RBM46: variants seen among roughly 807,000 people sequenced by gnomAD.
RBM46 encodes probable RNA-binding protein 46.
RBM46 carries 12 observed loss-of-function variants against 43.3 expected under a neutral mutation model. That is an observed-to-expected ratio of 0.28 (90% CI 0.18 to 0.45). RBM46 has a LOEUF of 0.45. Among genes scored for constraint, RBM46 ranks in the 20% least tolerant of loss-of-function variants. The pLI, the probability that RBM46 is intolerant of heterozygous loss-of-function variation, is 1.00. For missense variants in RBM46, 412 were observed against 639.1 expected (o/e 0.64, Z 3.83); for synonymous variants, 205 against 207.6 (o/e 0.99, Z 0.11).
At chr4:154,790,912 G>A (rs536226363) in intron 1 of RBM46, among the ~76,000 whole-genome samples, 1 of 152,320 alleles carries the variant, frequency 6.6e-6, no homozygotes, top group East Asian at 1.9e-4. Flanking sequence ...GGGCAGATTT[G>A]AGGTTTTTGT....
chr4:154,790,149 T>G (rs1289866332), intron 1 of RBM46: 6 of 152,110 alleles, frequency 3.9e-5, no homozygotes, highest in Non-Finnish European at 8.8e-5. Context: ...GTTTTGAAGG[T>G]TTTTTTGTGT....
chr4:154,799,750 C>A (rs2111138700), intron 4 of RBM46, among the ~76,000 whole-genome samples, 186 bp downstream of exon 4: 1 of 134,558 alleles, frequency 7.4e-6, no homozygotes, highest in East Asian at 2.3e-4. Flanking sequence ...CTACATTTAG[C>A]TTTTCTTTTT....
intron 1 of RBM46, among the ~76,000 whole-genome samples, chr4:154,784,299 T>C (rs1374998552): frequency 6.6e-6 from 1 of 152,234 alleles, no homozygotes; most frequent in Non-Finnish European, 1.5e-5. Context: ...CACAGTTCCT[T>C]TAAATAATTT....
At chr4:154,792,483 G>A (rs1734147819) in intron 1 of RBM46, among the ~76,000 whole-genome samples, 2 of 152,136 alleles carry the variant, frequency 1.3e-5, no homozygotes, top group African/African-American at 4.8e-5. Flanking sequence ...CTCATTCATT[G>A]AATGAATAGT....
chr4:154,801,961 T>G (rs1734659884), intron 4 of RBM46, among the ~76,000 whole-genome samples: 1 of 152,240 alleles, frequency 6.6e-6, no homozygotes, highest in Non-Finnish European at 1.5e-5. Context: ...TATTCCAGAT[T>G]TTATCAACCT....
At chr4:154,793,008 A>G (rs193276007) in intron 1 of RBM46, among the ~76,000 whole-genome samples, 1 of 152,234 alleles carries the variant, frequency 6.6e-6, no homozygotes, top group Non-Finnish European at 1.5e-5. Context: ...CTACTCACCA[A>G]TGATAACTAC....
At chr4:154,785,228 G>C (rs1326036573) in intron 1 of RBM46, among the ~76,000 whole-genome samples, 5 of 151,958 alleles carry the variant, frequency 3.3e-5, no homozygotes, top group Non-Finnish European at 5.9e-5. Flanking sequence ...TCATTATCTA[G>C]TAAAAGGAGC....
intron 1 of RBM46, among the ~76,000 whole-genome samples, chr4:154,789,819 T>C (rs903507887): frequency 2.6e-5 from 4 of 152,174 alleles, no homozygotes; most frequent in South Asian, 2.1e-4. Context: ...TTTTTTTGGT[T>C]GGTAGGCTAT....
chr4:154,805,149 A>C (rs960075552), intron 4 of RBM46, among the ~76,000 whole-genome samples: 3 of 152,162 alleles, frequency 2.0e-5, no homozygotes, highest in Admixed American at 6.5e-5. Context: ...TCATAATTTC[A>C]GTGTGACTTA....
intron 4 of RBM46, among the ~76,000 whole-genome samples, chr4:154,803,575 C>T (rs1328174336): frequency 4.6e-5 from 7 of 151,494 alleles, no homozygotes; most frequent in African/African-American, 1.5e-4. Context: ...TGGTGGCAGG[C>T]GCCTGTAGTC....
chr4:154,796,029 A>G (rs1388577128), intron 1 of RBM46, among the ~76,000 whole-genome samples: 1 of 152,074 alleles, frequency 6.6e-6, no homozygotes, highest in Non-Finnish European at 1.5e-5. Context: ...TTAGCCAGGC[A>G]TGGTGGTGTG....
At position 154,796,727 on chromosome 4, in the gene RBM46, T is replaced by G; in HGVS notation, c.-11-15T>G. ...CTGTTGTAAACTTAACCAGTGTTATTAAACTTTATTTTAGGAACTGCAACC... is the reference window on the plus strand; with the variant it reads ...CTGTTGTAAACTTAACCAGTGTTATGAAACTTTATTTTAGGAACTGCAACC... On this transcript the variant is annotated splice_polypyrimidine_tract_variant and intron_variant, in intron 1 of 4. Coordinates refer to ENST00000281722, the MANE Select transcript of RBM46 (RefSeq NM_144979.5). The G allele has an allele frequency of 6.4e-7, 1 of 1,566,354 alleles. No homozygotes were observed. Among genetic ancestry groups the G allele is most frequent in the African/African-American group, 1.4e-5 (1 of 73,186 alleles).
In RBM46 at chr4:154,799,241, C is replaced by G; in HGVS notation, c.1079C>G (p.Pro360Arg). 1 of 1,614,136 alleles carries G rather than the reference C, an allele frequency of 6.2e-7. No individual in the cohort carries two copies. The highest frequency in any genetic ancestry group is 1.3e-5 in the African/African-American group (1 of 75,044). Residue 360 changes from proline to arginine, a missense_variant, in exon 4 of 5, where the codon CCA becomes CGA. Coordinates refer to ENST00000281722, the MANE Select transcript of RBM46 (RefSeq NM_144979.5). ...LPARLNGQHS[P>R]SPPEVERCTY... is the part of the protein sequence containing the mutation. Reference sequence around the variant, plus strand: ...GCTCGTCTCAATGGTCAGCATAGCCCAAGTCCGCCTGAAGTTGAAAGATGC... The same window carrying G: ...GCTCGTCTCAATGGTCAGCATAGCCGAAGTCCGCCTGAAGTTGAAAGATGC...
intron 4 of RBM46, among the ~76,000 whole-genome samples, chr4:154,813,162 C>T (rs566272734): frequency 5.9e-5 from 9 of 152,070 alleles, no homozygotes; most frequent in African/African-American, 1.7e-4. Context: ...AGATACATTT[C>T]GGCTGTGCTT....
chr4:154,791,533 A>G lies in RBM46; in HGVS notation c.-11-5209A>G, dbSNP rs963131387. ...TGTGGTGGTGCATGACTGTAGTCCC[A>G]GGTACTTGGAAGTGAATCATCTTTC... On this transcript the variant is annotated intron_variant, in intron 1 of 4. Transcript: ENST00000281722. Among the ~76,000 whole-genome samples, 5 of 152,200 alleles carry G rather than the reference A, an allele frequency of 3.3e-5. No individual in the cohort carries two copies. The East Asian group carries it at 7.7e-4, about 23-fold the overall frequency.
intron 4 of RBM46, among the ~76,000 whole-genome samples, chr4:154,824,538 T>C (rs1735865724): frequency 6.6e-6 from 1 of 152,094 alleles, no homozygotes; most frequent in Non-Finnish European, 1.5e-5. Flanking sequence ...TACTGAAAGA[T>C]ACAATGTGAA....
chr4:154,822,207 CATTT>C (rs982658729), intron 4 of RBM46, among the ~76,000 whole-genome samples: 1 of 151,654 alleles, frequency 6.6e-6, no homozygotes, highest in African/African-American at 2.4e-5. Flanking sequence ...AGAAAACAAA[CATTT>C]CTTTCACCCC....
Position 154,796,769 on chromosome 4 carries a change from T to C in RBM46, c.17T>C (p.Ile6Thr), listed in dbSNP as rs1307511564. 18 of 1,608,352 alleles carry C rather than the reference T, an allele frequency of 1.1e-5. No homozygotes were observed. Among genetic ancestry groups the C allele is most frequent in the Non-Finnish European group, 1.4e-5 (17 of 1,178,050 alleles). Reference protein sequence around the residue: MNEENIDGTNGCSKVR... With the variant: MNEENTDGTNGCSKVR... ...ACTGCAACCATGAATGAAGAAAATA[T>C]AGATGGAACAAATGGATGCAGTAAA... Residue 6 changes from isoleucine (I) to threonine (T), a missense_variant, in exon 2 of 5, where the codon ATA becomes ACA. Ile to Thr is a moderately conservative substitution (Grantham distance 89). This residue lies in a region of RBM46 where 23 missense variants were observed against 22.9 expected (regional missense o/e 1.00). Coordinates refer to ENST00000281722, the MANE Select transcript of RBM46 (RefSeq NM_144979.5).
In RBM46 at chr4:154,796,600, G is replaced by A. The variant is rs528338730; in HGVS notation, c.-11-142G>A. On this transcript the variant is annotated intron_variant, in intron 1 of 4. Coordinates refer to ENST00000281722, the MANE Select transcript of RBM46 (RefSeq NM_144979.5). ...GTTTCCACTGTAGGGAAGAGCTTTG[G>A]GGCAGAACCTCAGAGGACAGTGAAG... 242 of 553,190 alleles carry A rather than the reference G, an allele frequency of 4.4e-4. 3 individuals are homozygous for A. The South Asian group carries it at 4.9e-3, about 11-fold the overall frequency. 34.3% of individuals were successfully genotyped at this position (553,190 alleles called of 1,614,324 possible).
Sources: gnomAD v4.1 joint callset for allele counts (sites outside exome capture counted in the v4.1 genomes callset) on GRCh38, gnomAD v4.1.1 for gene constraint, gnomAD v4.1.1 regional missense constraint, MANE v1.5 for transcripts, NCBI Gene and HGNC (gene_info 2026-07-23, HGNC 2026-07-21) for gene names.